The following HECW1 variants were observed in gnomAD, a reference collection of about 807,000 sequenced individuals.
The protein encoded by HECW1 is E3 ubiquitin-protein ligase HECW1.
HECW1 carries 61 observed loss-of-function variants against 182.3 expected under a neutral mutation model. That is an observed-to-expected ratio of 0.33 (90% confidence interval 0.27 to 0.41). The LOEUF is 0.41. HECW1 is among the 10% of genes least tolerant of loss of function. HECW1 has a pLI of 1.00. For missense variants in HECW1, 1,739 were observed against 2,108.9 expected (o/e 0.82, Z 3.44); for synonymous variants, 859 against 832.6 (o/e 1.03, Z -0.55).
intron 11 of HECW1, among the ~76,000 whole-genome samples, chr7:43,450,585 C>A (rs1055085708): frequency 6.6e-6 from 1 of 152,258 alleles, no homozygotes; most frequent in East Asian, 1.9e-4. Context: ...AGACTCAAAT[C>A]CTACATATTG....
chr7:43,468,033 C>T (rs2077859071), intron 15 of HECW1, among the ~76,000 whole-genome samples: 1 of 151,992 alleles, frequency 6.6e-6, no homozygotes, highest in Non-Finnish European at 1.5e-5. Context: ...TGGCACTGGG[C>T]CAGTAGGTGC....
At chr7:43,459,955 G>C (rs1269982454) in intron 13 of HECW1, among the ~76,000 whole-genome samples, 1 of 152,194 alleles carries the variant, frequency 6.6e-6, no homozygotes, top group East Asian at 1.9e-4. Flanking sequence ...TTACTACACT[G>C]TAAGCATTTA....
At chr7:43,142,470 G>T (rs1469947217) in intron 2 of HECW1, among the ~76,000 whole-genome samples, 1 of 152,126 alleles carries the variant, frequency 6.6e-6, no homozygotes, top group Non-Finnish European at 1.5e-5. Context: ...CCTTCCGAGG[G>T]TCGAGGGTGG....
At chr7:43,561,125 A>AGCCTCTGGCGAGGAAGACATTCCTT (rs2082194293) in intron 29 of HECW1, among the ~76,000 whole-genome samples, 1 of 152,244 alleles carries the variant, frequency 6.6e-6, no homozygotes, top group African/African-American at 2.4e-5. Context: ...TCCAGGTGTT[A>AGCCTCTGGCGAGGAAGACATTCCTT]GCCTCTGGCG....
chr7:43,265,920 A>C (rs1801733983), intron 3 of HECW1, among the ~76,000 whole-genome samples: 1 of 152,204 alleles, frequency 6.6e-6, no homozygotes, highest in African/African-American at 2.4e-5. Context: ...TCAAGGGTAC[A>C]AATGAACAGC....
At chr7:43,117,632 A>G (rs755244654) in intron 2 of HECW1, among the ~76,000 whole-genome samples, 2 of 152,212 alleles carry the variant, frequency 1.3e-5, no homozygotes, top group African/African-American at 4.8e-5. Flanking sequence ...TGGAACCTCA[A>G]TGCCATGCAT....
At chr7:43,505,941 C>T (rs2079560854) in intron 21 of HECW1, among the ~76,000 whole-genome samples, 1 of 152,184 alleles carries the variant, frequency 6.6e-6, no homozygotes, top group African/African-American at 2.4e-5. Context: ...TAGTAAGTAA[C>T]TAATAAATGG....
At chr7:43,223,541 C>T (rs1055393894) in intron 2 of HECW1, among the ~76,000 whole-genome samples, 2 of 152,062 alleles carry the variant, frequency 1.3e-5, no homozygotes, top group African/African-American at 4.8e-5. Context: ...ATCGCTTGAA[C>T]CTGGGAGGTG....
rs186388266 is a variant in HECW1, at chr7:43,196,645, G to T, written c.-31-47230G>T. ...CACTCTCTCTGCACACTTCTGACCT[G>T]AGCGGGAGATGGGCCGGGCTCCAGA... On this transcript the variant is annotated intron_variant, in intron 2 of 29. Coordinates refer to ENST00000395891, the MANE Select transcript of HECW1 (RefSeq NM_015052.5). Among the ~76,000 whole-genome samples, 193 of 152,336 alleles carry T rather than the reference G, an allele frequency of 1.3e-3. 1 individual carries two copies. The highest frequency in any genetic ancestry group is 1.5e-3 in the Non-Finnish European group (101 of 68,042).
chr7:43,356,154 A>G (rs1169701895), intron 5 of HECW1, among the ~76,000 whole-genome samples: 2 of 152,178 alleles, frequency 1.3e-5, no homozygotes, highest in Non-Finnish European at 2.9e-5. Context: ...TATGCTGCCT[A>G]TAAGAAACCC....
chr7:43,407,614 T>C lies in HECW1; in HGVS notation c.684T>C (p.Tyr228=), dbSNP rs757352094. 1 of 1,613,878 alleles carries C rather than the reference T, an allele frequency of 6.2e-7. No individual in the cohort carries two copies. Among genetic ancestry groups the C allele is most frequent in the South Asian group, 1.1e-5 (1 of 91,048 alleles). ...GGATGTTTTTCAACCCAGACCCTTA[T>C]CTGAAGATTTCCATTCAGCCTGGGA... The part of the protein sequence containing the change: ...KKGMFFNPDP[Y]LKISIQPGKH... The change falls in exon 8 of 30, where the codon TAT becomes TAC. Residue 228 remains tyrosine, a synonymous_variant. Coordinates refer to ENST00000395891, the MANE Select transcript of HECW1 (RefSeq NM_015052.5).
At chr7:43,355,168 C>T (rs1468748858) in intron 5 of HECW1, among the ~76,000 whole-genome samples, 2 of 151,908 alleles carry the variant, frequency 1.3e-5, no homozygotes, top group African/African-American at 2.4e-5. Context: ...ACAAGAAATG[C>T]TTAAGAGAGT....
At chr7:43,451,519 T>C (rs1238546080) in intron 12 of HECW1, among the ~76,000 whole-genome samples, 2 of 152,204 alleles carry the variant, frequency 1.3e-5, no homozygotes, top group East Asian at 3.8e-4. Flanking sequence ...TAATTAATAA[T>C]TATCTAACTA....
chr7:43,376,190 G>A lies in HECW1; in HGVS notation c.555+15210G>A, dbSNP rs143286368. On this transcript the variant is annotated intron_variant, in intron 6 of 29. Coordinates refer to ENST00000395891, the MANE Select transcript of HECW1 (RefSeq NM_015052.5). ...AGAATTAAAATTAGGACCAAAATAA[G>A]CGTGTAAGATGCCACCAGCTCTAAC... 1.5e-3 allele frequency among the ~76,000 whole-genome samples: 221 copies of A among 152,050 alleles called. 1 individual carries two copies. Among genetic ancestry groups the A allele is most frequent in the African/African-American group, 5.2e-3 (215 of 41,504 alleles).
At chr7:43,442,196 A>T (rs1302942003) in intron 9 of HECW1, among the ~76,000 whole-genome samples, 1 of 152,222 alleles carries the variant, frequency 6.6e-6, no homozygotes, top group Non-Finnish European at 1.5e-5. Context: ...TTTGTGTTAC[A>T]TGATTTTGCA....
rs187614136 is a variant in HECW1, at chr7:43,183,775, G to A, written c.-31-60100G>A. Among the ~76,000 whole-genome samples the A allele has an allele frequency of 2.5e-4, 38 of 151,012 alleles. 1 individual carries two copies. In the East Asian group the frequency reaches 7.0e-3, roughly 28 times the overall value. On this transcript the variant is annotated intron_variant, in intron 2 of 29. Coordinates refer to ENST00000395891, the MANE Select transcript of HECW1 (RefSeq NM_015052.5). ...ATTTATCTTAACTAATAAGACATAT[G>A]TTGGAACTTCACTTATTCTTCTGGA...
chr7:43,496,639 C>G (rs950439221), intron 19 of HECW1, among the ~76,000 whole-genome samples: 5 of 152,232 alleles, frequency 3.3e-5, no homozygotes, highest in African/African-American at 9.6e-5. Context: ...CTCTGTGGTC[C>G]CCAAGAGCAG....
At chr7:43,424,290 G>A (rs1484338937) in intron 8 of HECW1, among the ~76,000 whole-genome samples, 4 of 152,154 alleles carry the variant, frequency 2.6e-5, no homozygotes, top group Non-Finnish European at 5.9e-5. Flanking sequence ...ATTTTTCAGG[G>A]CAATGGGTTA....
intron 2 of HECW1, among the ~76,000 whole-genome samples, chr7:43,193,161 C>T (rs1057023317): frequency 1.6e-4 from 24 of 152,068 alleles, no homozygotes; most frequent in East Asian, 5.8e-4. Context: ...TTTTAGCATG[C>T]TAATGCATTA....
Sources: allele counts gnomAD v4.1 joint callset (sites outside exome capture counted in the v4.1 genomes callset), GRCh38; gene constraint gnomAD v4.1.1; transcripts MANE v1.5; gene names NCBI Gene and HGNC (gene_info 2026-07-23, HGNC 2026-07-21).